Variants in ZNF536 observed in about 807,000 individuals in gnomAD.
The protein encoded by ZNF536 is zinc finger protein 536.
ZNF536 carries 13 observed loss-of-function variants against 84.5 expected under a neutral mutation model. The observed-to-expected ratio is 0.15, with a 90% CI of 0.10 to 0.24. The LOEUF (loss-of-function observed/expected upper bound fraction) is 0.24, where lower values mean the gene tolerates loss of function less well. Ranked by LOEUF, ZNF536 falls within the 10% of genes least tolerant of loss-of-function variation. The probability of loss-of-function intolerance (pLI) is 1.00; values close to 1 mark genes in which losing one functional copy is unlikely to be tolerated. For synonymous variants in ZNF536, 811 were observed against 742.5 expected, an observed-to-expected ratio of 1.09 and a Z score of -1.50; for missense variants, 1,536 against 1,747.5, an observed-to-expected ratio of 0.88 and a Z score of 2.16.
At chr19:30,672,121 T>G (rs550757805) in intron 1 of ZNF536, among the ~76,000 whole-genome samples, 1 of 152,260 alleles carries the variant, frequency 6.6e-6, no homozygotes, top group African/African-American at 2.4e-5. Flanking sequence ...CAAAACAAGA[T>G]AGATTACTTG....
chr19:30,694,684 T>TA (rs1555841179), intron 1 of ZNF536, among the ~76,000 whole-genome samples: 1 of 152,018 alleles, frequency 6.6e-6, no homozygotes, highest in Non-Finnish European at 1.5e-5. Flanking sequence ...CATTTTTTTT[T>TA]AAAGAAATAG....
chr19:30,319,282 C>T (rs772486189), intron 2 of ZNF536, among the ~76,000 whole-genome samples: 1 of 152,106 alleles, frequency 6.6e-6, no homozygotes, highest in Non-Finnish European at 1.5e-5. Flanking sequence ...TGATATTCTG[C>T]CTTTATTTAT....
At chr19:30,472,925 C>T (rs372640095) in intron 2 of ZNF536, among the ~76,000 whole-genome samples, 6 of 151,802 alleles carry the variant, frequency 4.0e-5, no homozygotes, top group Admixed American at 3.9e-4. Context: ...GGTGAGGTGG[C>T]TCACACCTGT....
chr19:30,691,292 T>G (rs2051397510), intron 1 of ZNF536, among the ~76,000 whole-genome samples: 1 of 152,102 alleles, frequency 6.6e-6, no homozygotes, highest in Non-Finnish European at 1.5e-5. Flanking sequence ...AGACTTTGCA[T>G]CAGGGCGGTC....
intron 1 of ZNF536, among the ~76,000 whole-genome samples, chr19:30,653,498 G>T (rs1049478257): frequency 1.3e-5 from 2 of 152,188 alleles, no homozygotes; most frequent in African/African-American, 2.4e-5. Flanking sequence ...GCTTTCAATT[G>T]GTTGCACACA....
chr19:30,310,363 A>G (rs1019072775), intron 2 of ZNF536, among the ~76,000 whole-genome samples: 1 of 152,168 alleles, frequency 6.6e-6, no homozygotes, highest in Non-Finnish European at 1.5e-5. Context: ...ATGGTGATGG[A>G]TTCTTCAAGT....
intron 3 of ZNF536, among the ~76,000 whole-genome samples, chr19:30,536,083 T>C (rs1333250015): frequency 1.3e-5 from 2 of 151,964 alleles, no homozygotes; most frequent in Non-Finnish European, 2.9e-5. Flanking sequence ...TGGAGTCATC[T>C]CAGGCCAAAG....
At chr19:30,342,686 A>G (rs1223077437) in intron 2 of ZNF536, among the ~76,000 whole-genome samples, 1 of 152,240 alleles carries the variant, frequency 6.6e-6, no homozygotes, top group Non-Finnish European at 1.5e-5. Context: ...TGAACCTAAG[A>G]TAATGCTGCA....
intron 2 of ZNF536, among the ~76,000 whole-genome samples, chr19:30,308,223 C>T (rs2046397952): frequency 6.6e-6 from 1 of 152,118 alleles, no homozygotes; most frequent in African/African-American, 2.4e-5. Flanking sequence ...TATGGTTTGT[C>T]ATTGTGAGCT....
chr19:30,512,553 T>G (rs1400929652), intron 2 of ZNF536, among the ~76,000 whole-genome samples: 2 of 152,112 alleles, frequency 1.3e-5, no homozygotes, highest in African/African-American at 4.8e-5. Context: ...ATCAAATATT[T>G]TCTTTGGGTC....
rs546470883 is a variant in ZNF536 at position 30,708,366 on chromosome 19, T to A, written c.170-2391T>A. 7.2e-5 allele frequency among the ~76,000 whole-genome samples: 11 copies of A among 152,256 alleles called. 1 individual carries two copies. The highest frequency in any genetic ancestry group is 2.6e-4 in the African/African-American group (11 of 41,562). On this transcript the variant is annotated intron_variant, in intron 1 of 1. Transcript: ENST00000592773. ...AGAGACCATCTGAGGTTTGGTTTGG[T>A]GTGGGCAAAAGGGGTTGTGCTGTAG...
intron 2 of ZNF536, among the ~76,000 whole-genome samples, chr19:30,529,271 G>A (rs377300935): frequency 6.6e-6 from 1 of 152,178 alleles, no homozygotes; most frequent in African/African-American, 2.4e-5. Context: ...GGTTAAGTGT[G>A]TGTTGAGGCA....
At chr19:30,494,818 C>T (rs13346026) in intron 2 of ZNF536, among the ~76,000 whole-genome samples, 4,194 of 151,878 alleles carry the variant, frequency 0.028, 186 homozygotes, top group African/African-American at 0.096. Flanking sequence ...TGGTGGCGTG[C>T]ACCTATAATC....
intron 1 of ZNF536, among the ~76,000 whole-genome samples, chr19:30,694,405 T>A (rs964218830): frequency 6.6e-6 from 1 of 152,194 alleles, no homozygotes; most frequent in African/African-American, 2.4e-5. Flanking sequence ...TCACCCAGTC[T>A]CCCTGCCCCA....
intron 2 of ZNF536, among the ~76,000 whole-genome samples, chr19:30,465,361 G>A (rs1292765091): frequency 5.9e-5 from 9 of 152,156 alleles, no homozygotes; most frequent in Non-Finnish European, 1.2e-4. Context: ...GTCACCCCCT[G>A]AAGATGTTTC....
intron 2 of ZNF536, among the ~76,000 whole-genome samples, chr19:30,447,654 A>C (rs954581317): frequency 2.6e-5 from 4 of 152,216 alleles, no homozygotes; most frequent in African/African-American, 7.2e-5. Flanking sequence ...ATAGATCCCT[A>C]CTTGAGAGGC....
At chr19:30,492,443 G>A (rs1486045160) in intron 2 of ZNF536, among the ~76,000 whole-genome samples, 1 of 152,096 alleles carries the variant, frequency 6.6e-6, no homozygotes, top group Non-Finnish European at 1.5e-5. Context: ...TCAAAACAAA[G>A]AATTGGGTTA....
chr19:30,362,509 T>C (rs2048306452), intron 3 of ZNF536, among the ~76,000 whole-genome samples: 1 of 152,174 alleles, frequency 6.6e-6, no homozygotes, highest in Non-Finnish European at 1.5e-5. Flanking sequence ...TCTACGACTC[T>C]TGGCTCCAGG....
chr19:30,535,932 T>TTG (rs576211287), intron 3 of ZNF536, among the ~76,000 whole-genome samples: 1 of 152,038 alleles, frequency 6.6e-6, no homozygotes, highest in African/African-American at 2.4e-5. Context: ...GGGCATCGCG[T>TTG]GGGGGGAGAC....
Sources: gnomAD v4.1 joint callset for allele counts (sites outside exome capture counted in the v4.1 genomes callset) on GRCh38, gnomAD v4.1.1 for gene constraint, MANE v1.5 for transcripts, NCBI Gene and HGNC (gene_info 2026-07-23, HGNC 2026-07-21) for gene names.